Variants in C4orf36 observed in about 807,000 individuals in gnomAD.
The protein encoded by C4orf36 is chromosome 4 open reading frame 36.
C4orf36 carries 11 observed loss-of-function variants against 12.2 expected under a neutral mutation model. The observed-to-expected ratio is 0.90, with a 90% confidence interval of 0.57 to 1.49. C4orf36 has a LOEUF of 1.49. C4orf36 is among the 40% of genes most tolerant of loss of function. The pLI, the probability that C4orf36 is intolerant of heterozygous loss-of-function variation, is 0.00. For missense variants in C4orf36, 137 were observed against 133.9 expected (o/e 1.02, Z -0.11); for synonymous variants, 54 against 51.3 (o/e 1.05, Z -0.22).
the C4orf36 span, among the ~76,000 whole-genome samples, chr4:86,928,597 T>C: frequency 6.6e-6 from 1 of 152,210 alleles, no homozygotes; most frequent in East Asian, 1.9e-4. Flanking sequence ...GTGCCATCTA[T>C]CTCTGACTTG....
chr4:86,933,313 T>C, the C4orf36 span: 2 of 152,184 alleles, frequency 1.3e-5, no homozygotes. Flanking sequence ...GTCATGAAAA[T>C]AGGAGCTCTG....
chr4:86,892,495 C>T (rs1747467378), upstream of C4orf36: 1 of 976,802 alleles, frequency 1.0e-6, no homozygotes, highest in Non-Finnish European at 1.2e-6. Context: ...AGGGAGGGGA[C>T]GCCGGGCCCG....
rs752667865 is a variant in C4orf36 at position 86,891,430 on chromosome 4, AT to A, written c.65+25del. ...CCCACCGCAGTCAATGCTTACCCTG[AT>A]TTAAAAAAAAAAAATAGTACTTACA... On this transcript the variant is annotated intron_variant, in intron 2 of 4. Transcript: ENST00000295898. The A allele has an allele frequency of 3.3e-5, 49 of 1,479,210 alleles. No individual in the cohort carries two copies. The East Asian group carries it at 6.4e-4, about 19-fold the overall frequency. The allele number at this position is 1,479,210 out of a possible 1,614,324, so 91.6% of individuals were successfully genotyped here.
chr4:86,925,860 T>G, the C4orf36 span: 1 of 151,160 alleles, frequency 6.6e-6, no homozygotes, highest in Non-Finnish European at 1.5e-5. Flanking sequence ...TTTGACTATA[T>G]CATCTTTTTT....
At position 86,891,475 on chromosome 4, in the gene C4orf36, G is replaced by A. The variant is rs1367577239; in HGVS notation, c.46C>T (p.Arg16Trp). 6.2e-7 allele frequency: 1 copy of A among 1,613,320 alleles called. No homozygotes were observed. The highest frequency in any genetic ancestry group is 8.5e-7 in the Non-Finnish European group (1 of 1,179,878). Residue 16 changes from arginine to tryptophan, a missense_variant, in exon 2 of 5, where the codon CGG becomes TGG. Transcript: ENST00000295898. ...PRKNTVKTIL[R>W]GSCYNVQEPW... is the part of the protein sequence containing the mutation. Reference sequence around the variant, plus strand: ...ACTTACACATTATAACAACTGCCCCGCAAAATGGTTTTCACTGTGTTCTTT... The same window carrying A: ...ACTTACACATTATAACAACTGCCCCACAAAATGGTTTTCACTGTGTTCTTT...
At chr4:86,918,476 A>G in the C4orf36 span, among the ~76,000 whole-genome samples, 1 of 152,210 alleles carries the variant, frequency 6.6e-6, no homozygotes, top group Admixed American at 6.5e-5. Context: ...TGGCAACTCT[A>G]AGACTTGCTG....
intron 4 of C4orf36, among the ~76,000 whole-genome samples, chr4:86,880,430 G>C (rs1318222136): frequency 1.3e-5 from 2 of 152,168 alleles, no homozygotes; most frequent in Admixed American, 6.5e-5. Context: ...CTCCAGCCTG[G>C]GTGACAGAGC....
chr4:86,917,408 A>G, the C4orf36 span, among the ~76,000 whole-genome samples: 1 of 109,316 alleles, frequency 9.1e-6, no homozygotes, highest in Non-Finnish European at 2.1e-5. Context: ...AGAGAGAAAG[A>G]GAGGAAGAGA....
intron 4 of C4orf36, chr4:86,887,271 T>C (rs1396430500): frequency 6.6e-6 from 1 of 151,908 alleles, no homozygotes; most frequent in African/African-American, 2.4e-5. Context: ...ATAAAAAATA[T>C]ATATATTTAA....
At chr4:86,893,659 C>T (rs1747515054), upstream of C4orf36, among the ~76,000 whole-genome samples, 1 of 151,794 alleles carries the variant, frequency 6.6e-6, no homozygotes, top group Non-Finnish European at 1.5e-5. Flanking sequence ...AGAGTAGGCT[C>T]GCAGGGCTGA....
intron 4 of C4orf36, among the ~76,000 whole-genome samples, chr4:86,882,476 C>T (rs550888855): frequency 2.0e-5 from 3 of 152,240 alleles, no homozygotes; most frequent in Admixed American, 6.5e-5. Flanking sequence ...TCCTAAATTC[C>T]TACCCCTAGA....
the C4orf36 span, chr4:86,914,471 G>C: frequency 1.4e-3 from 804 of 557,750 alleles, 3 homozygotes; most frequent in Non-Finnish European, 2.1e-3. Context: ...CACGATCTCA[G>C]CTCACTGCAA....
In C4orf36 at chr4:86,890,611, C is replaced by G. The variant is rs1279179231; in HGVS notation, c.65+845G>C. ...AACAGAATGCAACAGTGAGTTTTCT[C>G]TGAATTTCTTATAGCTCTGGTTTTA... On this transcript the variant is annotated intron_variant, in intron 2 of 4. Coordinates refer to ENST00000295898, the MANE Select transcript of C4orf36 (RefSeq NM_144645.4). Among the ~76,000 whole-genome samples the G allele has an allele frequency of 2.0e-5, 3 of 152,142 alleles. No homozygotes were observed. In the East Asian group the frequency reaches 5.8e-4, roughly 29 times the overall value.
At chr4:86,933,451 A>T in the C4orf36 span, 1 of 152,194 alleles carries the variant, frequency 6.6e-6, no homozygotes, top group African/African-American at 2.4e-5. Flanking sequence ...TACAATCTTC[A>T]ATTCCAAAGG....
the C4orf36 span, among the ~76,000 whole-genome samples, chr4:86,907,581 TG>T: frequency 6.6e-6 from 1 of 152,194 alleles, no homozygotes; most frequent in African/African-American, 2.4e-5. Context: ...TAAGCTACTT[TG>T]GGGGTATTTT....
chr4:86,914,371 G>C, the C4orf36 span: 3 of 1,070,636 alleles, frequency 2.8e-6, no homozygotes, highest in East Asian at 5.0e-5. Flanking sequence ...TTCACCCCCC[G>C]GCTCCCGTTC....
the C4orf36 span, among the ~76,000 whole-genome samples, chr4:86,924,073 C>T: frequency 1.3e-5 from 2 of 152,168 alleles, no homozygotes; most frequent in Admixed American, 1.3e-4. Context: ...CAGGGTCTCA[C>T]TCTGTTGCCT....
chr4:86,930,315 A>G, the C4orf36 span, among the ~76,000 whole-genome samples: 1 of 152,262 alleles, frequency 6.6e-6, no homozygotes, highest in African/African-American at 2.4e-5. Flanking sequence ...ACACTGATAG[A>G]CACTAGTTGA....
intron 1 of C4orf36, among the ~76,000 whole-genome samples, chr4:86,891,834 C>T (rs1219730303): frequency 2.0e-5 from 3 of 152,218 alleles, no homozygotes; most frequent in Non-Finnish European, 4.4e-5. Context: ...CGGTGTCGCA[C>T]TCTCTGCCCT....
Sources: allele counts gnomAD v4.1 joint callset (sites outside exome capture counted in the v4.1 genomes callset), GRCh38; gene constraint gnomAD v4.1.1; transcripts MANE v1.5; gene names NCBI Gene and HGNC (gene_info 2026-07-23, HGNC 2026-07-21).